Variants in GLRA2 observed in about 807,000 individuals in gnomAD.
GLRA2 encodes glycine receptor alpha 2, also known as glycine receptor subunit alpha-2.
In GLRA2, 11 loss-of-function variants were observed where a neutral mutation model predicts 31.6. The ratio of observed to expected loss-of-function variants is 0.35; its 90% confidence interval spans 0.22 to 0.58. GLRA2 has a LOEUF of 0.58. Ranked by LOEUF, GLRA2 falls within the 20% of genes least tolerant of loss-of-function variation. GLRA2 has a pLI of 0.84. For synonymous variants in GLRA2, 132 were observed against 134.0 expected (o/e 0.99, Z 0.10); for missense variants, 212 against 351.8 (o/e 0.60, Z 3.18).
At chrX:14,501,666 A>C in the GLRA2 span, among the ~76,000 whole-genome samples, 1 of 112,173 alleles carries the variant, frequency 8.9e-6, no homozygotes, top group East Asian at 2.8e-4. Context: ...CTGAAGAAAA[A>C]TATCTCAAGT....
intron 7 of GLRA2, among the ~76,000 whole-genome samples, chrX:14,673,253 C>T (rs766301970): frequency 2.7e-5 from 3 of 111,597 alleles, no homozygotes; most frequent in Non-Finnish European, 5.6e-5. Flanking sequence ...GGAGTTATCA[C>T]AAGATTCTAG....
At chrX:14,663,285 A>G (rs2091009028) in intron 7 of GLRA2, among the ~76,000 whole-genome samples, 1 of 111,391 alleles carries the variant, frequency 9.0e-6, no homozygotes, top group African/African-American at 3.3e-5. Flanking sequence ...AAAGATTTTC[A>G]TGAAGAATTT....
At chrX:14,506,147 TG>T in the GLRA2 span, among the ~76,000 whole-genome samples, 1 of 111,680 alleles carries the variant, frequency 9.0e-6, no homozygotes, top group Admixed American at 9.5e-5. Context: ...TCATCATCTC[TG>T]GGTGGTATGA....
At chrX:14,470,007 T>A in the GLRA2 span, among the ~76,000 whole-genome samples, 1 of 111,490 alleles carries the variant, frequency 9.0e-6, no homozygotes, top group African/African-American at 3.3e-5. Flanking sequence ...AAATTTGCAA[T>A]GATTAAGAGA....
chrX:14,484,351 G>C, the GLRA2 span, among the ~76,000 whole-genome samples: 2 of 111,538 alleles, frequency 1.8e-5, no homozygotes, highest in Non-Finnish European at 3.8e-5. Flanking sequence ...CTTGAGGAAG[G>C]GTTTTACTTC....
At chrX:14,449,482 C>T in the GLRA2 span, among the ~76,000 whole-genome samples, 284 of 112,657 alleles carry the variant, frequency 2.5e-3, no homozygotes, top group African/African-American at 8.8e-3. Context: ...CACCCATCCC[C>T]CAAGGCTCTC....
chrX:14,462,617 C>T, the GLRA2 span, among the ~76,000 whole-genome samples: 1 of 111,414 alleles, frequency 9.0e-6, no homozygotes. Flanking sequence ...TCACTGATAT[C>T]CTTTCTTCCA....
intron 7 of GLRA2, among the ~76,000 whole-genome samples, chrX:14,638,249 G>C (rs2090734411): frequency 2.7e-5 from 3 of 111,318 alleles, no homozygotes; most frequent in Non-Finnish European, 5.7e-5. Flanking sequence ...GGATGGAGTA[G>C]AGTTGACTAT....
chrX:14,731,099 G>A lies in GLRA2; in HGVS notation c.*614G>A, dbSNP rs1299249095. The A allele has an allele frequency of 8.9e-6, 1 of 112,022 alleles. No homozygotes were observed. Among genetic ancestry groups the A allele is most frequent in the Non-Finnish European group, 1.9e-5 (1 of 53,270 alleles). 9.2% of individuals were successfully genotyped at this position (112,022 alleles called of 1,213,427 possible). The stretch of plus-strand genomic sequence containing the variant: ...TGTCTGTAATTAGTGTTTCACTTGA[G>A]AAAGCCTTTTGTGGGTCGTAAATTA... On this transcript the variant is annotated 3_prime_UTR_variant, in exon 9 of 9. Transcript: ENST00000218075.
intron 7 of GLRA2, among the ~76,000 whole-genome samples, chrX:14,618,550 A>G (rs1247707551): frequency 4.5e-5 from 5 of 111,876 alleles, no homozygotes; most frequent in African/African-American, 1.6e-4. Flanking sequence ...CTGATGCAGT[A>G]ATTTTCTGTT....
At chrX:14,514,236 A>G in the GLRA2 span, among the ~76,000 whole-genome samples, 3 of 108,567 alleles carry the variant, frequency 2.8e-5, no homozygotes, top group African/African-American at 1.0e-4. Context: ...AATACAGTGG[A>G]CTTTGGGGAC....
chrX:14,642,001 G>C (rs2090778988), intron 7 of GLRA2, among the ~76,000 whole-genome samples: 1 of 112,118 alleles, frequency 8.9e-6, no homozygotes, highest in Non-Finnish European at 1.9e-5. Context: ...ATTTAGGAGG[G>C]AAAGAGCAGC....
intron 7 of GLRA2, among the ~76,000 whole-genome samples, chrX:14,666,616 G>C (rs1478297456): frequency 8.9e-6 from 1 of 111,921 alleles, no homozygotes; most frequent in Admixed American, 9.5e-5. Flanking sequence ...CTAATGGCCG[G>C]ATAGAAGTAT....
At chrX:14,457,362 C>T in the GLRA2 span, among the ~76,000 whole-genome samples, 1 of 109,627 alleles carries the variant, frequency 9.1e-6, no homozygotes, top group African/African-American at 3.3e-5. Context: ...CCCCCCACCC[C>T]CCACGGGCCC....
intron 7 of GLRA2, among the ~76,000 whole-genome samples, chrX:14,662,629 A>G (rs1240880094): frequency 1.8e-5 from 2 of 111,806 alleles, no homozygotes; most frequent in Non-Finnish European, 1.9e-5. Context: ...CATGAATGCT[A>G]TATATGATTT....
At chrX:14,630,499 T>C (rs1471188372) in intron 7 of GLRA2, among the ~76,000 whole-genome samples, 1 of 112,020 alleles carries the variant, frequency 8.9e-6, no homozygotes. Context: ...TTTCATCAAA[T>C]TTGGAAAAAA....
At chrX:14,527,881 G>A (rs534993790), upstream of GLRA2, among the ~76,000 whole-genome samples, 48 of 111,870 alleles carry the variant, frequency 4.3e-4, 1 homozygote, top group South Asian at 0.017. Context: ...ATTTGGAAGT[G>A]AACAGATTTG....
the GLRA2 span, among the ~76,000 whole-genome samples, chrX:14,490,259 A>G: frequency 8.9e-6 from 1 of 112,116 alleles, no homozygotes; most frequent in Non-Finnish European, 1.9e-5. Context: ...CTGATTAAAT[A>G]GCCAACATTA....
chrX:14,572,504 C>A (rs2089897479), intron 2 of GLRA2, among the ~76,000 whole-genome samples: 2 of 111,868 alleles, frequency 1.8e-5, no homozygotes, highest in Admixed American at 9.5e-5. Flanking sequence ...GCAGAAAAAT[C>A]TTTGTTACAA....
Sources: allele counts gnomAD v4.1 joint callset (sites outside exome capture counted in the v4.1 genomes callset), GRCh38; gene constraint gnomAD v4.1.1; transcripts MANE v1.5; gene names NCBI Gene and HGNC (gene_info 2026-07-23, HGNC 2026-07-21).